Variants in DNAH14 observed in about 807,000 individuals in gnomAD.
DNAH14 encodes the protein dynein axonemal heavy chain 14, also known as axonemal beta dynein heavy chain 14.
Under a neutral mutation model 520.9 loss-of-function variants are expected in DNAH14, and 478 were observed. That is an observed-to-expected ratio of 0.92 (90% CI 0.85 to 0.99). The LOEUF is 0.99. Among genes scored for constraint, DNAH14 ranks in the 50% least tolerant of loss-of-function variants. The pLI is 0.00. For missense variants in DNAH14, 4,831 were observed against 5,234.5 expected, an observed-to-expected ratio of 0.92 and a Z score of 2.38; for synonymous variants, 1,581 against 1,757.2, an observed-to-expected ratio of 0.90 and a Z score of 2.51.
At position 225,123,838 on chromosome 1, in the gene DNAH14, C is replaced by T. The variant is rs558723466; in HGVS notation, c.4254+224C>T. ...TACAATCTCAGCTCACTGCAGCCTC[C>T]GCCTCCCAGGTTCAAGTGATTCTGC... On this transcript the variant is annotated intron_variant, in intron 27 of 85. Coordinates refer to ENST00000682510, the MANE Select transcript of DNAH14 (RefSeq NM_001367479.1). 8.5e-5 allele frequency among the ~76,000 whole-genome samples: 13 copies of T among 152,148 alleles called. No homozygotes were observed. The East Asian group carries it at 2.1e-3, about 25-fold the overall frequency.
intron 23 of DNAH14, among the ~76,000 whole-genome samples, chr1:225,106,456 G>T (rs538035075): frequency 7.2e-5 from 11 of 152,252 alleles, no homozygotes; most frequent in African/African-American, 2.4e-4. Flanking sequence ...AGTTCTCCTG[G>T]ATAATATCCT....
At chr1:224,977,612 C>T (rs774950406) in intron 8 of DNAH14, among the ~76,000 whole-genome samples, 4 of 152,076 alleles carry the variant, frequency 2.6e-5, no homozygotes, top group Non-Finnish European at 5.9e-5. Flanking sequence ...TCCACATGCA[C>T]CAAGTTGTAT....
At chr1:225,296,208 A>G (rs2094002556) in intron 55 of DNAH14, among the ~76,000 whole-genome samples, 1 of 151,942 alleles carries the variant, frequency 6.6e-6, no homozygotes, top group Non-Finnish European at 1.5e-5. Context: ...CTTGTTTTTT[A>G]TCAATTCAGC....
intron 43 of DNAH14, among the ~76,000 whole-genome samples, chr1:225,243,604 C>T (rs670403): frequency 0.37 from 55,344 of 151,414 alleles, 12,625 homozygotes; most frequent in African/African-American, 0.61. Flanking sequence ...TGATGAATTA[C>T]GGAACAACAT....
At chr1:224,930,755 G>A (rs186114686) in intron 1 of DNAH14, among the ~76,000 whole-genome samples, 1 of 152,096 alleles carries the variant, frequency 6.6e-6, no homozygotes, top group Non-Finnish European at 1.5e-5. Flanking sequence ...CCTCCACCAT[G>A]CCCGGCTAAT....
At chr1:224,964,452 C>T (rs1304949140) in intron 4 of DNAH14, 27 bp from the exon 5 acceptor site, 6 of 1,582,328 alleles carry the variant, frequency 3.8e-6, no homozygotes, top group Non-Finnish European at 4.3e-6. Flanking sequence ...TGCACTTATA[C>T]TGGATTTTTA....
At chr1:224,997,873 G>A (rs926036021) in intron 8 of DNAH14, among the ~76,000 whole-genome samples, 5 of 151,870 alleles carry the variant, frequency 3.3e-5, no homozygotes, top group African/African-American at 9.7e-5. Context: ...GTAAACTATC[G>A]CAAGGACAAA....
At chr1:225,104,244 C>T (rs2075806236) in intron 23 of DNAH14, among the ~76,000 whole-genome samples, 1 of 152,164 alleles carries the variant, frequency 6.6e-6, no homozygotes, top group South Asian at 2.1e-4. Context: ...CCCACTTGAT[C>T]ATGGTGGAGA....
At chr1:225,116,169 G>T (rs1354524064) in intron 23 of DNAH14, among the ~76,000 whole-genome samples, 1 of 152,216 alleles carries the variant, frequency 6.6e-6, no homozygotes, top group Non-Finnish European at 1.5e-5. Context: ...AAAACAGGTT[G>T]CAGATGGGAA....
At chr1:225,348,721 A>G (rs938857392) in intron 71 of DNAH14, among the ~76,000 whole-genome samples, 5 of 152,244 alleles carry the variant, frequency 3.3e-5, no homozygotes, top group Non-Finnish European at 5.9e-5. Context: ...GGAATGCTAA[A>G]GAAACTCCTT....
At chr1:225,084,941 A>G (rs1410145872) in intron 20 of DNAH14, among the ~76,000 whole-genome samples, 1 of 152,068 alleles carries the variant, frequency 6.6e-6, no homozygotes, top group Non-Finnish European at 1.5e-5. Flanking sequence ...ATCTATGTCA[A>G]AAGGTAGGCT....
intron 73 of DNAH14, 90 bp from the exon 74 acceptor site, chr1:225,358,406 A>C (rs1459055909): frequency 8.5e-7 from 1 of 1,170,718 alleles, no homozygotes; most frequent in East Asian, 2.7e-5. Context: ...TAAAAAATGA[A>C]TACTTCTTAT....
chr1:225,384,813 G>A (rs1358753783), intron 81 of DNAH14, among the ~76,000 whole-genome samples: 2 of 152,184 alleles, frequency 1.3e-5, no homozygotes, highest in African/African-American at 4.8e-5. Flanking sequence ...AGAGGAGCTG[G>A]TACCATTCCT....
intron 15 of DNAH14, among the ~76,000 whole-genome samples, chr1:225,044,949 G>T (rs1370955600): frequency 2.2e-5 from 2 of 91,750 alleles, no homozygotes; most frequent in Admixed American, 2.5e-4. Flanking sequence ...TTGTTCTACT[G>T]CCTTCTAGCT....
chr1:225,051,405 C>G, intron 16 of DNAH14, 46 bp from the exon 17 acceptor site: 1 of 1,347,880 alleles, frequency 7.4e-7, no homozygotes, highest in Non-Finnish European at 9.8e-7. Context: ...ATTTTTCACT[C>G]TTAAAATAAA....
At chr1:224,961,002 C>A (rs2060809763) in intron 4 of DNAH14, 1 of 152,174 alleles carries the variant, frequency 6.6e-6, no homozygotes, top group South Asian at 2.1e-4. Context: ...GTGGAAAGGA[C>A]CTGTGACTGC....
At chr1:225,191,027 C>A (rs1352414961) in intron 37 of DNAH14, among the ~76,000 whole-genome samples, 1 of 151,678 alleles carries the variant, frequency 6.6e-6, no homozygotes, top group Non-Finnish European at 1.5e-5. Context: ...ATATTGTGTA[C>A]CCATTAATAT....
intron 21 of DNAH14, among the ~76,000 whole-genome samples, chr1:225,087,080 C>T (rs2073904126): frequency 6.6e-6 from 1 of 151,738 alleles, no homozygotes; most frequent in African/African-American, 2.4e-5. Context: ...ACCAGATTTA[C>T]CATCTGTCTT....
chr1:225,244,380 A>G (rs1558139509), intron 43 of DNAH14, among the ~76,000 whole-genome samples: 1 of 152,092 alleles, frequency 6.6e-6, no homozygotes, highest in Non-Finnish European at 1.5e-5. Context: ...ATGAGCTAGC[A>G]AGGAGTCCCT....
Sources: allele counts gnomAD v4.1 joint callset (sites outside exome capture counted in the v4.1 genomes callset), GRCh38; gene constraint gnomAD v4.1.1; transcripts MANE v1.5; gene names NCBI Gene and HGNC (gene_info 2026-07-23, HGNC 2026-07-21).